CTC1: variants seen among roughly 807,000 people sequenced by gnomAD.
CTC1 encodes the protein CST telomere replication complex component 1.
CTC1 carries 91 observed loss-of-function variants against 136.3 expected under a neutral mutation model. That is an observed-to-expected ratio of 0.67 (90% CI 0.56 to 0.79). CTC1 has a LOEUF of 0.79. CTC1 is among the 30% of genes least tolerant of loss of function. The pLI is 0.00. For synonymous variants in CTC1, 606 were observed against 613.8 expected, an observed-to-expected ratio of 0.99 and a Z score of 0.19; for missense variants, 1,432 against 1,498.1, an observed-to-expected ratio of 0.96 and a Z score of 0.73.
Position 8,247,894 on chromosome 17 carries a change from G to A in CTC1, c.33+110C>T, listed in dbSNP as rs1894236067. 3 of 1,128,714 alleles carry A rather than the reference G, an allele frequency of 2.7e-6. No homozygotes were observed. In the Admixed American group the frequency reaches 6.0e-5, roughly 23 times the overall value. The allele number at this position is 1,128,714 out of a possible 1,614,324, so 69.9% of individuals were successfully genotyped here. Reference sequence around the variant, plus strand: ...CGACTCACAACCCCCTCACCCATGGGCCGGACGCGGCCAGCGAGCCCAGAG... The same window carrying A: ...CGACTCACAACCCCCTCACCCATGGACCGGACGCGGCCAGCGAGCCCAGAG... On this transcript the variant is annotated intron_variant, in intron 1 of 22. Coordinates refer to ENST00000651323, the MANE Select transcript of CTC1 (RefSeq NM_025099.6).
chr17:8,245,117 A>G (rs935857206), intron 1 of CTC1, among the ~76,000 whole-genome samples: 1 of 152,110 alleles, frequency 6.6e-6, no homozygotes, highest in African/African-American at 2.4e-5. Context: ...CGTGAACACA[A>G]AGAGGGAAAT....
rs755414520 is a variant in CTC1 at position 8,235,859 on chromosome 17, C to G, written c.1178G>C (p.Arg393Pro). The G allele has an allele frequency of 6.2e-7, 1 of 1,613,242 alleles. No homozygotes were observed. The highest frequency in any genetic ancestry group is 1.1e-5 in the South Asian group (1 of 91,028). ...LAYQQFRGLR[R>P]VMRPGVCLQL... is the part of the protein sequence containing the mutation. ...CAGACACACTCCAGGTCGCATCACC[C>G]GCCTAAGGCCACGGAACTGCTGGTA... The change falls in exon 7 of 23, where the codon CGG becomes CCG. Residue 393 changes from arginine to proline, a missense_variant. Transcript: ENST00000651323.
chr17:8,228,698 C>T (rs376214091), intron 21 of CTC1, 29 bp downstream of exon 21: 53 of 1,613,734 alleles, frequency 3.3e-5, no homozygotes, highest in African/African-American at 1.5e-4. Context: ...TTTGGGTATC[C>T]GAGTCCCTCC....
chr17:8,236,125 G>C lies in CTC1; in HGVS notation c.1010C>G (p.Pro337Arg). ...ATCCTTCTTGTCCTCCGAGTTGCTG[G>C]GCATGGGGAGTGGCTTGGGGTCAGC... ...LEADPKPLPM[P>R]SNSEDKKDPE... Residue 337 changes from proline (P) to arginine (R), a missense_variant, in exon 6 of 23, where the codon CCC becomes CGC. Transcript: ENST00000651323. The C allele has an allele frequency of 1.2e-6, 2 of 1,614,186 alleles. No homozygotes were observed. The highest frequency in any genetic ancestry group is 4.5e-5 in the East Asian group (2 of 44,894).
intron 11 of CTC1, chr17:8,232,692 G>A: frequency 1.4e-6 from 1 of 705,218 alleles, no homozygotes; most frequent in Non-Finnish European, 2.4e-6. Flanking sequence ...GTGCATGTTA[G>A]GAGCTACGGT....
intron 10 of CTC1, among the ~76,000 whole-genome samples, chr17:8,233,694 A>G (rs1379411857): frequency 2.0e-5 from 3 of 152,108 alleles, no homozygotes; most frequent in Non-Finnish European, 4.4e-5. Context: ...GCTTGAGCCC[A>G]GGAGGCAAGG....
intron 9 of CTC1, 38 bp from the exon 10 acceptor site, chr17:8,234,693 T>C (rs1987545153): frequency 1.3e-6 from 2 of 1,587,738 alleles, no homozygotes; most frequent in Non-Finnish European, 1.7e-6. Context: ...GTGTGTCCCA[T>C]GGGCCCCAGG....
intron 12 of CTC1, 38 bp downstream of exon 12, chr17:8,232,323 C>A (rs376824486): frequency 1.0e-5 from 16 of 1,598,716 alleles, no homozygotes; most frequent in Non-Finnish European, 1.2e-5. Context: ...CCTTCCTTCC[C>A]CCCAGACTCA....
At chr17:8,230,231 G>GACCA in intron 17 of CTC1, 63 bp downstream of exon 17, 2 of 1,504,482 alleles carry the variant, frequency 1.3e-6, no homozygotes, top group Non-Finnish European at 1.8e-6. Context: ...GTTAAGCAGG[G>GACCA]GTGCACATTC....
Position 8,227,153 on chromosome 17 carries a change from C to T in CTC1, c.*1027G>A, listed in dbSNP as rs1195510673. 1 of 152,150 alleles carries T rather than the reference C, an allele frequency of 6.6e-6. No individual in the cohort carries two copies. Among genetic ancestry groups the T allele is most frequent in the Non-Finnish European group, 1.5e-5 (1 of 68,040 alleles). 9.4% of individuals were successfully genotyped at this position (152,150 alleles called of 1,614,324 possible). On this transcript the variant is annotated 3_prime_UTR_variant, in exon 23 of 23. Coordinates refer to ENST00000651323, the MANE Select transcript of CTC1 (RefSeq NM_025099.6). The stretch of plus-strand genomic sequence containing the variant: ...ATCCCAACATATGGGTTTAACCACG[C>T]TCTAAAGGTCTCCCAAACACGAACA...
At chr17:8,239,668 T>G (rs1988048901) in intron 2 of CTC1, among the ~76,000 whole-genome samples, 1 of 152,044 alleles carries the variant, frequency 6.6e-6, no homozygotes, top group Non-Finnish European at 1.5e-5. Flanking sequence ...GTGATCCATC[T>G]GCCTCAGCCT....
intron 1 of CTC1, among the ~76,000 whole-genome samples, chr17:8,244,127 A>G (rs150023207): frequency 2.6e-5 from 4 of 152,368 alleles, no homozygotes; most frequent in Non-Finnish European, 5.9e-5. Context: ...TAAGTGCCTA[A>G]TAGTGGACAG....
chr17:8,232,797 G>A (rs1043445754), intron 11 of CTC1, 109 bp downstream of exon 11: 4 of 1,396,724 alleles, frequency 2.9e-6, no homozygotes, highest in African/African-American at 1.4e-5. Flanking sequence ...ATTGACATGT[G>A]TCACTTCTGC....
rs1174942042 is a variant in CTC1, at chr17:8,228,581, A to G, written c.3436T>C (p.Cys1146Arg). The change falls in exon 22 of 23, where the codon TGT becomes CGT. Residue 1146 changes from cysteine (C) to arginine (R), a missense_variant. Transcript: ENST00000651323. ...EPMTMFLWTL[C>R]TSPSVLRPIV... ...GGACGGAGGACAGAGGGGCTAGTAC[A>G]AAGTGTCCAGAGGAACATGGTCATG... is the stretch of plus-strand genomic sequence containing the variant. The G allele has an allele frequency of 1.2e-6, 2 of 1,614,190 alleles. No individual in the cohort carries two copies. The highest frequency in any genetic ancestry group is 1.1e-5 in the South Asian group (1 of 91,088).
Position 8,235,127 on chromosome 17 carries a change from C to T in CTC1, c.1365G>A (p.Gln455=). ...RQAYGASLYE[Q]LVWERQLGLP... is the part of the protein sequence containing the mutation. ...GTCCTAACTGACGTTCCCACACCAG[C>T]TGCTCGTACAGGGAGGCCCCGTAGG... The change falls in exon 8 of 23, where the codon CAG becomes CAA. Residue 455 remains glutamine, a synonymous_variant. Coordinates refer to ENST00000651323, the MANE Select transcript of CTC1 (RefSeq NM_025099.6). The T allele has an allele frequency of 6.2e-7, 1 of 1,614,196 alleles. No individual in the cohort carries two copies. Among genetic ancestry groups the T allele is most frequent in the Non-Finnish European group, 8.5e-7 (1 of 1,180,038 alleles).
chr17:8,232,783 G>A, intron 11 of CTC1, 123 bp downstream of exon 11: 2 of 1,286,950 alleles, frequency 1.6e-6, no homozygotes, highest in East Asian at 2.3e-5. Flanking sequence ...CCCAGAAGTT[G>A]TTGATTGACA....
intron 1 of CTC1, among the ~76,000 whole-genome samples, chr17:8,243,771 G>A (rs993702321): frequency 1.4e-4 from 22 of 152,096 alleles, no homozygotes; most frequent in East Asian, 5.8e-4. Context: ...CCTTTAAACC[G>A]TTCATAAAGA....
chr17:8,230,486 G>T lies in CTC1; in HGVS notation c.2759-18C>A, dbSNP rs751836178. On this transcript the variant is annotated intron_variant, in intron 16 of 22. Coordinates refer to ENST00000651323, the MANE Select transcript of CTC1 (RefSeq NM_025099.6). ...CGTGTTCCCTATAGAAGGAAGGTGGGTGTTAGTAGGATCTGTGAAGTCCAC... is the reference window on the plus strand; with the variant it reads ...CGTGTTCCCTATAGAAGGAAGGTGGTTGTTAGTAGGATCTGTGAAGTCCAC... 9 of 1,613,682 alleles carry T rather than the reference G, an allele frequency of 5.6e-6. No homozygotes were observed. The highest frequency in any genetic ancestry group is 7.6e-6 in the Non-Finnish European group (9 of 1,179,672).
Position 8,228,867 on chromosome 17 carries a change from C to A in CTC1, c.3247G>T (p.Glu1083Ter). ...IRLLVEDGTA[E>*]AVVTCRNHHV... ...TGATTCCTACAGGTCACCACGGCTT[C>A]GGCAGTCCCATCCTCCACCAGGAGC... Residue 1083 changes from glutamate (E) to a stop codon, truncating the protein, a stop_gained, in exon 21 of 23, where the codon GAA becomes TAA. Transcript: ENST00000651323. LOFTEE classifies it high-confidence loss of function. 1 of 1,613,706 alleles carries A rather than the reference C, an allele frequency of 6.2e-7. No homozygotes were observed. The highest frequency in any genetic ancestry group is 8.5e-7 in the Non-Finnish European group (1 of 1,179,838).
Sources: gnomAD v4.1 joint callset for allele counts (sites outside exome capture counted in the v4.1 genomes callset) on GRCh38, gnomAD v4.1.1 for gene constraint, MANE v1.5 for transcripts, NCBI Gene and HGNC (gene_info 2026-07-23, HGNC 2026-07-21) for gene names.